Variants in SLC60A1 observed in about 807,000 individuals in gnomAD.
SLC60A1 encodes solute carrier family 60 member 1.
the SLC60A1 span, among the ~76,000 whole-genome samples, chr1:205,582,790 C>T: frequency 3.3e-5 from 5 of 152,228 alleles, no homozygotes; most frequent in Non-Finnish European, 7.3e-5. Flanking sequence ...TGCAGAAAGG[C>T]TCCCAAGGTC....
chr1:205,590,974 G>A, the SLC60A1 span, among the ~76,000 whole-genome samples: 1 of 152,170 alleles, frequency 6.6e-6, no homozygotes, highest in Non-Finnish European at 1.5e-5. Context: ...TTAAGAATCA[G>A]AGCAATCAGC....
At chr1:205,599,098 TTGTC>T in the SLC60A1 span, 1 of 1,611,906 alleles carries the variant, frequency 6.2e-7, no homozygotes, top group Non-Finnish European at 8.5e-7. Context: ...GAAGTTTTAA[TTGTC>T]TGTCTCTCTG....
At chr1:205,601,930 G>C in the SLC60A1 span, 3 of 152,136 alleles carry the variant, frequency 2.0e-5, no homozygotes. Context: ...TTATACCATG[G>C]CAAGGCCTTT....
the SLC60A1 span, chr1:205,601,504 A>C: frequency 6.6e-6 from 1 of 152,344 alleles, no homozygotes; most frequent in Non-Finnish European, 1.5e-5. Context: ...TTTTCTACTG[A>C]CATTGACTAG....
the SLC60A1 span, chr1:205,597,647 C>T: frequency 1.2e-6 from 1 of 829,158 alleles, no homozygotes; most frequent in Non-Finnish European, 2.0e-6. Flanking sequence ...CCTCCCACTT[C>T]TGACTCCTAA....
At chr1:205,569,104 G>A in the SLC60A1 span, 4 of 1,514,012 alleles carry the variant, frequency 2.6e-6, no homozygotes, top group African/African-American at 1.4e-5. Flanking sequence ...GGGCTGCTCC[G>A]CCGCAACCTG....
At chr1:205,588,488 AAAG>A in the SLC60A1 span, among the ~76,000 whole-genome samples, 26 of 148,526 alleles carry the variant, frequency 1.8e-4, no homozygotes, top group African/African-American at 5.9e-4. Flanking sequence ...AAAAAAAAAA[AAAG>A]AAAGAGAAAA....
At chr1:205,576,079 C>A in the SLC60A1 span, among the ~76,000 whole-genome samples, 1 of 152,256 alleles carries the variant, frequency 6.6e-6, no homozygotes, top group East Asian at 1.9e-4. Context: ...GGGACGCTGC[C>A]CAGGGTGGAG....
the SLC60A1 span, chr1:205,579,532 T>C: frequency 3.3e-6 from 2 of 598,434 alleles, no homozygotes; most frequent in African/African-American, 1.9e-5. Flanking sequence ...CTAGGCTTTG[T>C]GAAGTGTCCT....
At chr1:205,592,549 A>G in the SLC60A1 span, among the ~76,000 whole-genome samples, 3 of 150,604 alleles carry the variant, frequency 2.0e-5, no homozygotes, top group Non-Finnish European at 1.5e-5. Flanking sequence ...CCACCCCACA[A>G]CTGTCCCAGG....
At chr1:205,580,623 A>ACGCCCCCC in the SLC60A1 span, 1 of 1,570,446 alleles carries the variant, frequency 6.4e-7, no homozygotes, top group Non-Finnish European at 8.7e-7. This position sits in a 1 kb window ranked among gnomAD's most constrained non-coding sequence, Gnocchi z 5.0. Flanking sequence ...CTGAAGACTG[A>ACGCCCCCC]CCCCCACCCC....
the SLC60A1 span, among the ~76,000 whole-genome samples, chr1:205,571,068 G>GA: frequency 1.3e-5 from 2 of 151,928 alleles, no homozygotes; most frequent in Non-Finnish European, 1.5e-5. Context: ...TCACAGAAGA[G>GA]AAAAAAAATC....
chr1:205,572,643 C>A, the SLC60A1 span, among the ~76,000 whole-genome samples: 1 of 152,164 alleles, frequency 6.6e-6, no homozygotes, highest in Admixed American at 6.5e-5. Context: ...AAACCAGCTT[C>A]TCCCCTTGAG....
At chr1:205,600,732 A>T in the SLC60A1 span, 7 of 433,030 alleles carry the variant, frequency 1.6e-5, no homozygotes, top group South Asian at 1.0e-4. Context: ...GGAAGGAGAC[A>T]GCCGCGCGCT....
chr1:205,577,966 T>C, the SLC60A1 span, among the ~76,000 whole-genome samples: 3 of 152,378 alleles, frequency 2.0e-5, no homozygotes, highest in East Asian at 5.8e-4. The surrounding 1 kb of genome is among the most constrained non-coding windows in gnomAD (Gnocchi z 5.2). Flanking sequence ...TAGTACTCGC[T>C]ATCATCCTGG....
chr1:205,569,190 G>A, the SLC60A1 span: 3 of 1,548,974 alleles, frequency 1.9e-6, no homozygotes, highest in Non-Finnish European at 2.6e-6. Context: ...CACGCTGCTG[G>A]ACCTGCGCTG....
chr1:205,592,456 A>T, the SLC60A1 span, among the ~76,000 whole-genome samples: 2 of 151,584 alleles, frequency 1.3e-5, no homozygotes, highest in Non-Finnish European at 2.9e-5. Context: ...ATATGTATAC[A>T]TGTGCCATGT....
At chr1:205,585,640 A>C in the SLC60A1 span, among the ~76,000 whole-genome samples, 1 of 151,276 alleles carries the variant, frequency 6.6e-6, no homozygotes, top group African/African-American at 2.4e-5. This position sits in a 1 kb window ranked among gnomAD's most constrained non-coding sequence, Gnocchi z 4.2. Flanking sequence ...CGGGCAAGTC[A>C]CTTCTGTCTG....
At chr1:205,581,817 GC>G in the SLC60A1 span, among the ~76,000 whole-genome samples, 1 of 152,198 alleles carries the variant, frequency 6.6e-6, no homozygotes, top group African/African-American at 2.4e-5. The surrounding 1 kb of genome is among the most constrained non-coding windows in gnomAD (Gnocchi z 4.2). Context: ...CTGCTGCTGA[GC>G]CTCAGAATAT....
Sources: gnomAD v4.1 joint callset for allele counts (sites outside exome capture counted in the v4.1 genomes callset) on GRCh38, gnomAD v4.1.1 for gene constraint, Gnocchi (gnomAD v3.1) non-coding constraint, MANE v1.5 for transcripts, NCBI Gene and HGNC (gene_info 2026-07-23, HGNC 2026-07-21) for gene names.